The following PPP4R3B variants were observed in gnomAD, a reference collection of about 807,000 sequenced individuals.
The protein encoded by PPP4R3B is serine/threonine-protein phosphatase 4 regulatory subunit 3B.
A neutral mutation model predicts 95.4 loss-of-function variants in PPP4R3B; 52 were observed. The observed-to-expected ratio is 0.54, with a 90% confidence interval of 0.44 to 0.69. The LOEUF (loss-of-function observed/expected upper bound fraction) is 0.69. Ranked by LOEUF, PPP4R3B falls within the 30% of genes least tolerant of loss-of-function variation. PPP4R3B has a pLI of 0.00. For synonymous variants in PPP4R3B, 407 were observed against 343.9 expected (o/e 1.18, Z -2.03); for missense variants, 1,003 against 1,005.9 (o/e 1.00, Z 0.04).
At chr2:55,597,544 C>G (rs984993358) in intron 4 of PPP4R3B, among the ~76,000 whole-genome samples, 1 of 152,114 alleles carries the variant, frequency 6.6e-6, no homozygotes, top group African/African-American at 2.4e-5. Context: ...ATGGCGTGAA[C>G]CCGGGAGGCG....
At chr2:55,556,096 A>G (rs1298009327) in intron 16 of PPP4R3B, among the ~76,000 whole-genome samples, 1 of 152,240 alleles carries the variant, frequency 6.6e-6, no homozygotes, top group East Asian at 1.9e-4. Context: ...CCAAAGGGCA[A>G]TTGGTGATAA....
Position 55,614,663 on chromosome 2 carries a change from G to A in PPP4R3B, c.198+788C>T, listed in dbSNP as rs756794606. 2.0e-5 allele frequency: 3 copies of A among 152,132 alleles called. 1 individual carries two copies. The highest frequency in any genetic ancestry group is 6.3e-3 in the Middle Eastern group (2 of 316). The allele number at this position is 152,132 out of a possible 1,614,324, so 9.4% of individuals were successfully genotyped here. On this transcript the variant is annotated intron_variant, in intron 2 of 16. Coordinates refer to ENST00000616407, the MANE Select transcript of PPP4R3B (RefSeq NM_001122964.3). ...AGGGGATGGAGAATGTAAACAACGG[G>A]ATGGATACAAACAAGCTTTAACTCT...
intron 12 of PPP4R3B, among the ~76,000 whole-genome samples, chr2:55,568,837 T>G (rs1307608003): frequency 6.6e-6 from 1 of 152,178 alleles, no homozygotes; most frequent in Non-Finnish European, 1.5e-5. Context: ...GAGCTAAGAT[T>G]GCCTTGCCTC....
intron 16 of PPP4R3B, 28 bp downstream of exon 16, chr2:55,558,747 A>C: frequency 6.9e-7 from 1 of 1,442,756 alleles, no homozygotes; most frequent in Non-Finnish European, 9.2e-7. Flanking sequence ...GGAAAAGCAA[A>C]GTTTGTGTGT....
rs1486281662 is a variant in PPP4R3B, at chr2:55,549,958, C to T, written c.2503G>A (p.Glu835Lys). 4 of 1,613,426 alleles carry T rather than the reference C, an allele frequency of 2.5e-6. No homozygotes were observed. The East Asian group carries it at 8.9e-5, about 36-fold the overall frequency. ...VDYPDDEEEDEEEESSPRKRP... is the reference protein window; with the variant it reads ...VDYPDDEEEDKEEESSPRKRP... Reference sequence around the variant, plus strand: ...TTCCTGGGGGACGATTCTTCTTCTTCATCTTCCTCTTCATCATCTGGATAA... The same window carrying T: ...TTCCTGGGGGACGATTCTTCTTCTTTATCTTCCTCTTCATCATCTGGATAA... Residue 835 changes from glutamate to lysine, a missense_variant, in exon 17 of 17, where the codon GAA (glutamate) becomes AAA (lysine). Transcript: ENST00000616407.
chr2:55,604,995 C>T (rs750101530), intron 2 of PPP4R3B, among the ~76,000 whole-genome samples: 3 of 151,860 alleles, frequency 2.0e-5, no homozygotes, highest in Non-Finnish European at 4.4e-5. Flanking sequence ...GCACACACCA[C>T]GCCACACTAA....
chr2:55,605,911 A>C (rs1693322087), intron 2 of PPP4R3B, among the ~76,000 whole-genome samples: 1 of 151,796 alleles, frequency 6.6e-6, no homozygotes, highest in South Asian at 2.1e-4. Flanking sequence ...TCTCAAAAAA[A>C]AAAAAAAAAA....
intron 6 of PPP4R3B, 49 bp from the exon 7 acceptor site, chr2:55,585,216 T>C (rs746786018): frequency 7.3e-7 from 1 of 1,362,194 alleles, no homozygotes; most frequent in Admixed American, 2.3e-5. Flanking sequence ...CAAAAGTTAT[T>C]CTCACATTTC....
chr2:55,598,710 A>T lies in PPP4R3B; in HGVS notation c.627T>A (p.Leu209=), dbSNP rs377289790. The change falls in exon 4 of 17, where the codon CTT becomes CTA. Residue 209 remains leucine, a synonymous_variant. Coordinates refer to ENST00000616407, the MANE Select transcript of PPP4R3B (RefSeq NM_001122964.3). ...ACTCATCAGAAAACATTACCTCAAA[A>T]AGAGTTGCCTTATTTAGGAATAAGA... The part of the protein sequence containing the change: ...RGILFLNKAT[L]FEVMFSDECI... 6.2e-7 allele frequency: 1 copy of T among 1,614,222 alleles called. No homozygotes were observed. Among genetic ancestry groups the T allele is most frequent in the Non-Finnish European group, 8.5e-7 (1 of 1,180,036 alleles).
At chr2:55,590,783 T>G (rs1574835708) in intron 4 of PPP4R3B, among the ~76,000 whole-genome samples, 1 of 152,340 alleles carries the variant, frequency 6.6e-6, no homozygotes, top group East Asian at 1.9e-4. Context: ...CAACTACCTG[T>G]CCTTTTTCTT....
rs770955530 is a variant in PPP4R3B, at chr2:55,598,578, T to C, written c.759A>G (p.Pro253=). The change falls in exon 4 of 17, where the codon CCA becomes CCG. Residue 253 remains proline (P), a synonymous_variant. Transcript: ENST00000616407. ...TTTGCCTTAGTTCAGAGTCTGTTATTGGTATAACTTCCTTGAACTTTGCAG... is the reference window on the plus strand; with the variant it reads ...TTTGCCTTAGTTCAGAGTCTGTTATCGGTATAACTTCCTTGAACTTTGCAG... The part of the protein sequence containing the change: ...TKTAKFKEVI[P]ITDSELRQKI... 8 of 1,614,232 alleles carry C rather than the reference T, an allele frequency of 5.0e-6. No homozygotes were observed. The highest frequency in any genetic ancestry group is 6.8e-6 in the Non-Finnish European group (8 of 1,180,050).
intron 16 of PPP4R3B, among the ~76,000 whole-genome samples, chr2:55,554,657 A>G (rs1395673243): frequency 1.3e-5 from 2 of 152,194 alleles, no homozygotes; most frequent in African/African-American, 4.8e-5. Context: ...TACTTATCAG[A>G]TATATCATTT....
intron 12 of PPP4R3B, among the ~76,000 whole-genome samples, chr2:55,570,943 A>G (rs758501045): frequency 6.6e-6 from 1 of 152,250 alleles, no homozygotes; most frequent in Non-Finnish European, 1.5e-5. Context: ...ATGAACTGAC[A>G]TGTACACAAA....
At chr2:55,558,413 T>G (rs1362900574) in intron 16 of PPP4R3B, among the ~76,000 whole-genome samples, 1 of 152,054 alleles carries the variant, frequency 6.6e-6, no homozygotes, top group Non-Finnish European at 1.5e-5. Context: ...ATCGAGACCA[T>G]CCTGGCCAAC....
intron 4 of PPP4R3B, 117 bp downstream of exon 4, chr2:55,598,298 AT>A (rs1307971863): frequency 7.0e-6 from 7 of 1,001,984 alleles, no homozygotes; most frequent in Middle Eastern, 3.1e-4. Context: ...AATGTACTTA[AT>A]AGTACATTTA....
At position 55,548,428 on chromosome 2, in the gene PPP4R3B, A is replaced by G. The variant is rs1223233790; in HGVS notation, c.*1483T>C. Reference sequence around the variant, plus strand: ...TCCTGAATTTTACAGTTTAGCATTAATATCACCACATGTATACAAATGGTG... The same window carrying G: ...TCCTGAATTTTACAGTTTAGCATTAGTATCACCACATGTATACAAATGGTG... On this transcript the variant is annotated 3_prime_UTR_variant, in exon 17 of 17. Coordinates refer to ENST00000616407, the MANE Select transcript of PPP4R3B (RefSeq NM_001122964.3). 1.3e-5 allele frequency: 2 copies of G among 152,678 alleles called. No homozygotes were observed. Among genetic ancestry groups the G allele is most frequent in the African/African-American group, 4.8e-5 (2 of 41,470 alleles). The allele number at this position is 152,678 out of a possible 1,614,324, so 9.5% of individuals were successfully genotyped here.
chr2:55,590,228 G>A (rs1574833455), intron 4 of PPP4R3B, among the ~76,000 whole-genome samples: 2 of 151,790 alleles, frequency 1.3e-5, no homozygotes, highest in African/African-American at 4.8e-5. Flanking sequence ...TAGGGAGGCT[G>A]AGGCAGGAGA....
At chr2:55,580,317 C>A (rs1689280976) in intron 8 of PPP4R3B, among the ~76,000 whole-genome samples, 1 of 152,136 alleles carries the variant, frequency 6.6e-6, no homozygotes, top group Non-Finnish European at 1.5e-5. Flanking sequence ...GTCAGAACAG[C>A]AAGCACCATA....
rs776369711 is a variant in PPP4R3B at position 55,598,596 on chromosome 2, C to T, written c.741G>A (p.Lys247=). 10 of 1,614,156 alleles carry T rather than the reference C, an allele frequency of 6.2e-6. No individual in the cohort carries two copies. The South Asian group carries it at 1.1e-4, about 18-fold the overall frequency. Residue 247 remains lysine, a synonymous_variant, in exon 4 of 17, where the codon AAG becomes AAA. Transcript: ENST00000616407. ...CTGTTATTGGTATAACTTCCTTGAA[C>T]TTTGCAGTTTTGGTCAAGAATTCTC... The part of the protein sequence containing the change: ...RHREFLTKTA[K]FKEVIPITDS...
Sources: allele counts gnomAD v4.1 joint callset (sites outside exome capture counted in the v4.1 genomes callset), GRCh38; gene constraint gnomAD v4.1.1; transcripts MANE v1.5; gene names NCBI Gene and HGNC (gene_info 2026-07-23, HGNC 2026-07-21).